Variants in MLLT1 observed in about 807,000 individuals in gnomAD.
The protein encoded by MLLT1 is MLLT1 super elongation complex subunit, also known as protein ENL.
Under a neutral mutation model 55.1 loss-of-function variants are expected in MLLT1, and 11 were observed. That is an observed-to-expected ratio of 0.20 (90% CI 0.13 to 0.33). The LOEUF (loss-of-function observed/expected upper bound fraction) is 0.33, where lower values mean the gene tolerates loss of function less well. Among genes scored for constraint, MLLT1 ranks in the 10% least tolerant of loss-of-function variants. The pLI, the probability that MLLT1 is intolerant of heterozygous loss-of-function variation, is 1.00. For synonymous variants in MLLT1, 323 were observed against 320.1 expected (o/e 1.01, Z -0.10); for missense variants, 536 against 760.6 (o/e 0.70, Z 3.47).
chr19:6,217,426 C>T (rs2090856067), intron 7 of MLLT1, among the ~76,000 whole-genome samples: 1 of 152,206 alleles, frequency 6.6e-6, no homozygotes, highest in African/African-American at 2.4e-5. Flanking sequence ...GTCCCCAGGG[C>T]CCTCCCCACT....
intron 2 of MLLT1, among the ~76,000 whole-genome samples, chr19:6,265,049 C>CAAAAACAAAAAAAAAAAAAAAAAAAA: frequency 4.3e-5 from 1 of 23,298 alleles, no homozygotes; most frequent in Non-Finnish European, 1.2e-4. Flanking sequence ...AAAAAAAAAA[C>CAAAAACAAAAAAAAAAAAAAAAAAAA]AAAAAAACAA....
chr19:6,251,286 T>A (rs1052067904), intron 3 of MLLT1, among the ~76,000 whole-genome samples: 3 of 152,166 alleles, frequency 2.0e-5, no homozygotes, highest in Admixed American at 6.5e-5. Flanking sequence ...GTTGGGGGGA[T>A]GGGGGTGCGG....
chr19:6,231,931 GT>G lies in MLLT1; in HGVS notation c.277-1219del, dbSNP rs746722840. Among the ~76,000 whole-genome samples, 7 of 147,734 alleles carry G rather than the reference GT, an allele frequency of 4.7e-5. No homozygotes were observed. In the East Asian group the frequency reaches 1.6e-3, roughly 33 times the overall value. On this transcript the variant is annotated intron_variant, in intron 3 of 11. Coordinates refer to ENST00000252674, the MANE Select transcript of MLLT1 (RefSeq NM_005934.4). The surrounding 1 kb of genome is among the most constrained non-coding windows in gnomAD (Gnocchi z 5.1). ...ACGAATGTCACACGGAAGAAGGGAG[GT>G]TTTCATGGAAACAACGTGCATGGGC...
In MLLT1 at chr19:6,262,013, A is replaced by G. The variant is rs1045640802; in HGVS notation, c.276+215T>C. Among the ~76,000 whole-genome samples the G allele has an allele frequency of 1.3e-5, 2 of 152,156 alleles. No individual in the cohort carries two copies. The highest frequency in any genetic ancestry group is 2.9e-5 in the Non-Finnish European group (2 of 68,010). On this transcript the variant is annotated intron_variant, in intron 3 of 11. Transcript: ENST00000252674. The surrounding 1 kb of genome is among the most constrained non-coding windows in gnomAD (Gnocchi z 4.4). Reference sequence around the variant, plus strand: ...GCAGCTCCCCTAGAGAAGCAGACCAAGGGACACGCCCACCTGCTGTCATGA... The same window carrying G: ...GCAGCTCCCCTAGAGAAGCAGACCAGGGGACACGCCCACCTGCTGTCATGA...
At chr19:6,260,083 G>T (rs979105046) in intron 3 of MLLT1, among the ~76,000 whole-genome samples, 6 of 152,122 alleles carry the variant, frequency 3.9e-5, no homozygotes, top group African/African-American at 1.4e-4. Flanking sequence ...GAGGAACATG[G>T]GGTCCCATGC....
At chr19:6,277,192 G>T (rs191310752) in intron 1 of MLLT1, among the ~76,000 whole-genome samples, 1 of 152,224 alleles carries the variant, frequency 6.6e-6, no homozygotes, top group African/African-American at 2.4e-5. Flanking sequence ...TTCCCCAGGG[G>T]CCTCCGGCTC....
chr19:6,264,398 C>CGTGAGCCTTCAGGCCT (rs1206425030), intron 2 of MLLT1, among the ~76,000 whole-genome samples: 1 of 152,036 alleles, frequency 6.6e-6, no homozygotes, highest in Non-Finnish European at 1.5e-5. Context: ...TCAGGAGGCC[C>CGTGAGCCTTCAGGCCT]GTGAGCCTTC....
At chr19:6,241,485 G>T (rs1600194180) in intron 3 of MLLT1, among the ~76,000 whole-genome samples, 1 of 147,736 alleles carries the variant, frequency 6.8e-6, no homozygotes, top group Admixed American at 6.7e-5. Flanking sequence ...ATAGGAAATT[G>T]GGGAACATAA....
Position 6,262,164 on chromosome 19 carries a change from C to A in MLLT1, c.276+64G>T. ...TTCTCTGGCCTGTTTTGTGAACTGC[C>A]GTGGCACCCGGAGCAGGGGTCCCCA... On this transcript the variant is annotated intron_variant, in intron 3 of 11. Transcript: ENST00000252674. This position sits in a 1 kb window ranked among gnomAD's most constrained non-coding sequence, Gnocchi z 4.4. The A allele has an allele frequency of 7.6e-7, 1 of 1,312,578 alleles. No individual in the cohort carries two copies. The highest frequency in any genetic ancestry group is 1.7e-5 in the Admixed American group (1 of 58,964). The allele number at this position is 1,312,578 out of a possible 1,614,324, so 81.3% of individuals were successfully genotyped here.
rs567717996 is a variant in MLLT1, at chr19:6,212,638, G to A, written c.*404C>T. On this transcript the variant is annotated 3_prime_UTR_variant, in exon 12 of 12. Transcript: ENST00000252674. ...GGAGGGTGTGTTCTGAACCATTCGG[G>A]AGGCTGGAGATGCCCCCCAGCCGTC... 4.7e-5 allele frequency: 53 copies of A among 1,116,888 alleles called. No individual in the cohort carries two copies. The South Asian group carries it at 1.7e-3, about 35-fold the overall frequency. The allele number at this position is 1,116,888 out of a possible 1,614,324, so 69.2% of individuals were successfully genotyped here. A position where few individuals can be genotyped will look rare whatever the true frequency, so the allele number is the denominator to read the frequency against.
intron 3 of MLLT1, among the ~76,000 whole-genome samples, chr19:6,241,048 CA>C (rs1015652903): frequency 6.6e-6 from 1 of 152,196 alleles, no homozygotes; most frequent in Non-Finnish European, 1.5e-5. Flanking sequence ...TGGACCATAA[CA>C]AATGAAGACA....
intron 3 of MLLT1, among the ~76,000 whole-genome samples, chr19:6,248,770 C>T (rs964540601): frequency 2.6e-5 from 4 of 152,146 alleles, no homozygotes; most frequent in Non-Finnish European, 4.4e-5. Context: ...GTTTAGTTCA[C>T]GGCGATTGTA....
chr19:6,265,204 G>A (rs1252942341), intron 2 of MLLT1, among the ~76,000 whole-genome samples: 3 of 152,098 alleles, frequency 2.0e-5, no homozygotes, highest in African/African-American at 7.2e-5. Context: ...CTAACACAAC[G>A]CCTTCATAGC....
At chr19:6,217,737 C>T (rs1205728007) in intron 7 of MLLT1, among the ~76,000 whole-genome samples, 1 of 152,230 alleles carries the variant, frequency 6.6e-6, no homozygotes, top group Non-Finnish European at 1.5e-5. Context: ...CCAACAGCCA[C>T]CACAAGGAAC....
chr19:6,256,517 G>A lies in MLLT1; in HGVS notation c.276+5711C>T, dbSNP rs1008568487. Among the ~76,000 whole-genome samples the A allele has an allele frequency of 1.3e-5, 2 of 152,218 alleles. No homozygotes were observed. The highest frequency in any genetic ancestry group is 1.3e-4 in the Admixed American group (2 of 15,292). On this transcript the variant is annotated intron_variant, in intron 3 of 11. Coordinates refer to ENST00000252674, the MANE Select transcript of MLLT1 (RefSeq NM_005934.4). This position sits in a 1 kb window ranked among gnomAD's most constrained non-coding sequence, Gnocchi z 4.1. ...CGCCTGTAATCTCAGCACTTTGGGA[G>A]GCCGAGGTGGGTGGATCATGAGGTC...
Position 6,211,760 on chromosome 19 carries a change from T to C in MLLT1, c.*1282A>G. ...CAGCCCCTGGGACCCCCAGCCACGA[T>C]GGGCTGGCTCCGCGGGAGCGTCCTG... On this transcript the variant is annotated 3_prime_UTR_variant, in exon 12 of 12. Coordinates refer to ENST00000252674, the MANE Select transcript of MLLT1 (RefSeq NM_005934.4). This position sits in a 1 kb window ranked among gnomAD's most constrained non-coding sequence, Gnocchi z 4.6. 2.8e-6 allele frequency: 3 copies of C among 1,063,606 alleles called. No homozygotes were observed. The highest frequency in any genetic ancestry group is 3.4e-6 in the Non-Finnish European group (3 of 878,170). 65.9% of individuals were successfully genotyped at this position (1,063,606 alleles called of 1,614,324 possible).
chr19:6,253,014 A>G (rs1234570896), intron 3 of MLLT1, among the ~76,000 whole-genome samples: 1 of 152,110 alleles, frequency 6.6e-6, no homozygotes, highest in African/African-American at 2.4e-5. Context: ...CTGTAATCCC[A>G]GCACTTTGGG....
chr19:6,217,313 A>G (rs943007737), intron 7 of MLLT1, among the ~76,000 whole-genome samples: 4 of 152,134 alleles, frequency 2.6e-5, no homozygotes, highest in Admixed American at 1.3e-4. Flanking sequence ...CTCTTGTTCC[A>G]ATCCAGGAGT....
At chr19:6,277,125 G>A (rs1249162615) in intron 1 of MLLT1, among the ~76,000 whole-genome samples, 2 of 152,216 alleles carry the variant, frequency 1.3e-5, no homozygotes, top group African/African-American at 2.4e-5. Context: ...CAAGAGTCCC[G>A]CAGGGACACT....
Sources: gnomAD v4.1 joint callset for allele counts (sites outside exome capture counted in the v4.1 genomes callset) on GRCh38, gnomAD v4.1.1 for gene constraint, Gnocchi (gnomAD v3.1) non-coding constraint, MANE v1.5 for transcripts, NCBI Gene and HGNC (gene_info 2026-07-23, HGNC 2026-07-21) for gene names.